MIA2: variants seen among roughly 807,000 people sequenced by gnomAD.
The protein encoded by MIA2 is MIA SH3 domain ER export factor 2, also known as melanoma inhibitory activity protein 2.
Under a neutral mutation model 167.8 loss-of-function variants are expected in MIA2, and 127 were observed. The ratio of observed to expected loss-of-function variants is 0.76; its 90% CI spans 0.66 to 0.88. MIA2 has a LOEUF of 0.88. Ranked by LOEUF, MIA2 falls within the 40% of genes least tolerant of loss-of-function variation. The pLI is 0.00. For missense variants in MIA2, 1,690 were observed against 1,624.7 expected (o/e 1.04, Z -0.69); for synonymous variants, 552 against 541.9 (o/e 1.02, Z -0.26).
At chr14:39,305,497 C>CT (rs2063185353) in intron 17 of MIA2, among the ~76,000 whole-genome samples, 1 of 152,096 alleles carries the variant, frequency 6.6e-6, no homozygotes. Flanking sequence ...TCAAATCTAA[C>CT]TTTGTTTTTT....
chr14:39,334,511 G>C (rs1566964989), intron 25 of MIA2, among the ~76,000 whole-genome samples: 1 of 151,748 alleles, frequency 6.6e-6, no homozygotes, highest in African/African-American at 2.4e-5. Context: ...CAGATTTCAG[G>C]GTTCTTTTCT....
At chr14:39,385,830 A>G in intron 23 of MIA2, 1 of 958,854 alleles carries the variant, frequency 1.0e-6, no homozygotes, top group Non-Finnish European at 1.7e-6. Flanking sequence ...CACAGGAAAC[A>G]GGATGCCCTT....
At chr14:39,380,456 A>C (rs1475595698) in intron 23 of MIA2, among the ~76,000 whole-genome samples, 1 of 152,262 alleles carries the variant, frequency 6.6e-6, no homozygotes, top group East Asian at 1.9e-4. Context: ...GCACTTTGGG[A>C]GGCCAAGGAG....
chr14:39,281,329 T>A (rs2058906724), intron 9 of MIA2, among the ~76,000 whole-genome samples: 1 of 152,192 alleles, frequency 6.6e-6, no homozygotes, highest in South Asian at 2.1e-4. Flanking sequence ...TTTTAACTTT[T>A]TATTATATCT....
At chr14:39,295,938 C>T (rs919125252) in intron 13 of MIA2, among the ~76,000 whole-genome samples, 2 of 152,166 alleles carry the variant, frequency 1.3e-5, no homozygotes, top group African/African-American at 4.8e-5. Flanking sequence ...GTATACTTAT[C>T]CGGTTCATCT....
At chr14:39,356,257 C>A (rs1276401747), downstream of MIA2, among the ~76,000 whole-genome samples, 3 of 152,140 alleles carry the variant, frequency 2.0e-5, no homozygotes, top group African/African-American at 7.2e-5. Flanking sequence ...TTCAGAGATT[C>A]AACTTCTTCC....
In MIA2 at chr14:39,246,082, T is replaced by TTTATTTATTTA. The variant is rs2054292156; in HGVS notation, c.337-827_337-826insATTTATTTATT. On this transcript the variant is annotated intron_variant, in intron 3 of 28. Transcript: ENST00000640607. ...AAACATTTCAATTATTTTTAAAAAT[T>TTTATTTATTTA]TTTATTTATTTATTTATTTATTTAT... Among the ~76,000 whole-genome samples, 5 of 143,304 alleles carry TTTATTTATTTA rather than the reference T, an allele frequency of 3.5e-5. No individual in the cohort carries two copies. In the Admixed American group the frequency reaches 3.5e-4, roughly 10 times the overall value. 94.0% of individuals were successfully genotyped at this position (143,304 alleles called of 152,430 possible). A position where few individuals can be genotyped will look rare whatever the true frequency, so the allele number is the denominator to read the frequency against.
chr14:39,301,716 C>A (rs78249970), intron 14 of MIA2, among the ~76,000 whole-genome samples: 10,729 of 152,274 alleles, frequency 0.07, 618 homozygotes, highest in Non-Finnish European at 0.11. Flanking sequence ...CTAATTGTTT[C>A]CTTGAATAAA....
At chr14:39,267,514 C>A (rs2056089756) in intron 6 of MIA2, 2 of 1,613,546 alleles carry the variant, frequency 1.2e-6, no homozygotes, top group Admixed American at 1.7e-5. Flanking sequence ...CCTGGAGGAG[C>A]TACGCAGGGT....
intron 23 of MIA2, among the ~76,000 whole-genome samples, chr14:39,380,759 T>C (rs571256353): frequency 4.0e-5 from 6 of 151,112 alleles, no homozygotes; most frequent in African/African-American, 1.5e-4. Flanking sequence ...TACCATAGGA[T>C]TATATAAAGA....
intron 25 of MIA2, among the ~76,000 whole-genome samples, chr14:39,333,945 C>T (rs1387904709): frequency 6.6e-6 from 1 of 152,142 alleles, no homozygotes; most frequent in South Asian, 2.1e-4. Flanking sequence ...AGAGGGCCAA[C>T]CTGTGTCAAC....
At chr14:39,379,705 A>G (rs963820853) in intron 23 of MIA2, among the ~76,000 whole-genome samples, 3 of 152,100 alleles carry the variant, frequency 2.0e-5, no homozygotes, top group African/African-American at 7.2e-5. Flanking sequence ...TACAAAAATT[A>G]GCCAAGCATG....
intron 23 of MIA2, among the ~76,000 whole-genome samples, chr14:39,363,032 A>G (rs2139288703): frequency 6.6e-6 from 1 of 152,228 alleles, no homozygotes; most frequent in African/African-American, 2.4e-5. Flanking sequence ...ATAGTTTCCA[A>G]AGTATTATTG....
At chr14:39,350,006 T>C in intron 28 of MIA2, 92 bp from the exon 29 acceptor site, 1 of 532,000 alleles carries the variant, frequency 1.9e-6, no homozygotes. Flanking sequence ...AATAAAAGAA[T>C]AGGTAATGGA....
intron 6 of MIA2, among the ~76,000 whole-genome samples, chr14:39,261,625 A>G (rs985337210): frequency 6.6e-6 from 1 of 152,090 alleles, no homozygotes; most frequent in African/African-American, 2.4e-5. Context: ...AAGCATTCCT[A>G]TTTCTCCACA....
intron 9 of MIA2, among the ~76,000 whole-genome samples, chr14:39,285,831 C>T (rs1167780045): frequency 1.1e-4 from 17 of 151,910 alleles, no homozygotes; most frequent in Non-Finnish European, 2.2e-4. Flanking sequence ...AGACGCTCCT[C>T]ACCTCCCAGA....
intron 19 of MIA2, among the ~76,000 whole-genome samples, chr14:39,314,313 G>A (rs1324888092): frequency 6.6e-6 from 1 of 151,892 alleles, no homozygotes; most frequent in Admixed American, 6.6e-5. Context: ...TTTGAACCCT[G>A]GAGGTGGAGG....
chr14:39,311,451 A>G (rs2064219365), intron 18 of MIA2, among the ~76,000 whole-genome samples: 1 of 147,138 alleles, frequency 6.8e-6, no homozygotes, highest in Non-Finnish European at 1.5e-5. Flanking sequence ...TAGGACCTAG[A>G]AGCTTGATGT....
In MIA2 at chr14:39,234,000, CT is replaced by C; in HGVS notation, c.-110del. On this transcript the variant is annotated 5_prime_UTR_variant, in exon 1 of 29. Coordinates refer to ENST00000640607, the MANE Select transcript of MIA2 (RefSeq NM_001329214.4). Reference sequence around the variant, plus strand: ...TCAAGAGATTTTTAAAACTTCAACCCTTTTTCTCTTATAGTTAGTGAAGAGA... The same window carrying C: ...TCAAGAGATTTTTAAAACTTCAACCCTTTTCTCTTATAGTTAGTGAAGAGA... The C allele has an allele frequency of 1.9e-6, 1 of 530,128 alleles. No individual in the cohort carries two copies. The highest frequency in any genetic ancestry group is 3.5e-5 in the South Asian group (1 of 28,418). 32.8% of individuals were successfully genotyped at this position (530,128 alleles called of 1,614,324 possible). A position where few individuals can be genotyped will look rare whatever the true frequency, so the allele number is the denominator to read the frequency against.
Sources: gnomAD v4.1 joint callset for allele counts (sites outside exome capture counted in the v4.1 genomes callset) on GRCh38, gnomAD v4.1.1 for gene constraint, MANE v1.5 for transcripts, NCBI Gene and HGNC (gene_info 2026-07-23, HGNC 2026-07-21) for gene names.